The following SPNS2 variants were observed in gnomAD, a reference collection of about 807,000 sequenced individuals.
SPNS2 encodes the protein SPNS lysolipid transporter 2, sphingosine-1-phosphate.
SPNS2 carries 37 observed loss-of-function variants against 57.6 expected under a neutral mutation model. The observed-to-expected ratio is 0.64, with a 90% CI of 0.49 to 0.85. SPNS2 has a LOEUF of 0.85. SPNS2 is among the 40% of genes least tolerant of loss of function. The probability of loss-of-function intolerance (pLI) is 0.00; values close to 1 mark genes in which losing one functional copy is unlikely to be tolerated. For synonymous variants in SPNS2, 440 were observed against 346.9 expected, an observed-to-expected ratio of 1.27 and a Z score of -2.98; for missense variants, 831 against 779.1, an observed-to-expected ratio of 1.07 and a Z score of -0.79.
chr17:4,513,807 C>A (rs1310862472), intron 2 of SPNS2, among the ~76,000 whole-genome samples: 1 of 152,218 alleles, frequency 6.6e-6, no homozygotes, highest in African/African-American at 2.4e-5. Context: ...AGCCCCAGAG[C>A]GGTTCCCAAG....
At chr17:4,536,539 T>C (rs2144385447) in intron 11 of SPNS2, 113 bp downstream of exon 11, 1 of 1,282,064 alleles carries the variant, frequency 7.8e-7, no homozygotes, top group Non-Finnish European at 1.1e-6. Context: ...TCCCATGCAC[T>C]CAGTGCACCC....
At chr17:4,527,793 G>A (rs1567593506) in intron 3 of SPNS2, among the ~76,000 whole-genome samples, 1 of 152,162 alleles carries the variant, frequency 6.6e-6, no homozygotes, top group Non-Finnish European at 1.5e-5. Flanking sequence ...CCCTGCTGGT[G>A]GGAGTGTAAA....
At chr17:4,519,447 C>T (rs1406166347) in intron 2 of SPNS2, among the ~76,000 whole-genome samples, 1 of 152,164 alleles carries the variant, frequency 6.6e-6, no homozygotes, top group African/African-American at 2.4e-5. Flanking sequence ...TTTCTGACGG[C>T]CTCCTGCCAG....
Position 4,530,834 on chromosome 17 carries a change from T to G in SPNS2, c.725+51T>G, listed in dbSNP as rs532989346. 81 of 1,585,176 alleles carry G rather than the reference T, an allele frequency of 5.1e-5. No individual in the cohort carries two copies. In the East Asian group the frequency reaches 1.8e-3, roughly 36 times the overall value. ...GGGTGAGGATCTGGGCAAGGTTCCC[T>G]TGGACTTCTGAGTTCTCCCACTCCC... On this transcript the variant is annotated intron_variant, in intron 4 of 12. Coordinates refer to ENST00000329078, the MANE Select transcript of SPNS2 (RefSeq NM_001124758.3).
intron 1 of SPNS2, among the ~76,000 whole-genome samples, chr17:4,505,694 T>C (rs1488042901): frequency 6.6e-6 from 1 of 152,124 alleles, no homozygotes; most frequent in East Asian, 1.9e-4. Context: ...CCTCGCCTGG[T>C]GGCTGGGAGG....
intron 2 of SPNS2, among the ~76,000 whole-genome samples, chr17:4,521,936 C>A (rs543003318): frequency 5.3e-5 from 8 of 152,352 alleles, no homozygotes; most frequent in African/African-American, 1.9e-4. Context: ...CGGTGGCTCA[C>A]CCCTGTAATC....
At chr17:4,518,145 CT>C (rs1210297284) in intron 2 of SPNS2, among the ~76,000 whole-genome samples, 1 of 152,106 alleles carries the variant, frequency 6.6e-6, no homozygotes, top group Admixed American at 6.5e-5. Context: ...GTGTGAAAGG[CT>C]TGAAGGCCAA....
At chr17:4,530,122 G>A (rs372083737) in intron 3 of SPNS2, among the ~76,000 whole-genome samples, 2 of 152,184 alleles carry the variant, frequency 1.3e-5, no homozygotes, top group Non-Finnish European at 2.9e-5. Context: ...CAGGGGGAGG[G>A]GCTCTGGGTC....
chr17:4,506,352 C>T (rs1199183945), intron 1 of SPNS2, among the ~76,000 whole-genome samples: 3 of 152,172 alleles, frequency 2.0e-5, no homozygotes, highest in Non-Finnish European at 4.4e-5. Flanking sequence ...TATCCTGTGT[C>T]TGGCTGGCAT....
chr17:4,530,476 G>A (rs1020049901), intron 3 of SPNS2, among the ~76,000 whole-genome samples, 156 bp from the exon 4 acceptor site: 8 of 152,144 alleles, frequency 5.3e-5, no homozygotes, highest in Non-Finnish European at 1.5e-5. Flanking sequence ...AGTGGCTGGG[G>A]GAGGTGGTCT....
Position 4,536,416 on chromosome 17 carries a change from GC to G in SPNS2, c.1598del (p.Ala533ValfsTer5), listed in dbSNP as rs1414806020. The G allele has an allele frequency of 1.3e-6, 2 of 1,595,290 alleles. No homozygotes were observed. The highest frequency in any genetic ancestry group is 3.4e-5 in the Admixed American group (2 of 59,102). On this transcript the variant is annotated frameshift_variant, in exon 11 of 13. Coordinates refer to ENST00000329078, the MANE Select transcript of SPNS2 (RefSeq NM_001124758.3). LOFTEE classifies it high-confidence loss of function. ...CTTCTTCGTCAGCGACCGCGCCAGG[GC>G]TGAGCAGCAGTGAGTGGGGGGGAGG... is the stretch of plus-strand genomic sequence containing the variant. ...ALFFVSDRAR[A>X]EQQVNQLAMP...
rs188357065 is a variant in SPNS2 at position 4,511,941 on chromosome 17, T to G, written c.371-1306T>G. ...ATACAGCACCTGGAGATTCCACTTT[T>G]TCCTACTTCCCTGTGGTGTGACTTT... On this transcript the variant is annotated intron_variant, in intron 1 of 12. Coordinates refer to ENST00000329078, the MANE Select transcript of SPNS2 (RefSeq NM_001124758.3). The surrounding 1 kb of genome is among the most constrained non-coding windows in gnomAD (Gnocchi z 4.6). 6.6e-6 allele frequency among the ~76,000 whole-genome samples: 1 copy of G among 152,182 alleles called. No individual in the cohort carries two copies. The highest frequency in any genetic ancestry group is 1.5e-5 in the Non-Finnish European group (1 of 68,022).
chr17:4,524,451 A>G (rs1176446041), intron 2 of SPNS2, among the ~76,000 whole-genome samples: 3 of 152,228 alleles, frequency 2.0e-5, no homozygotes, highest in Middle Eastern at 3.2e-3. Flanking sequence ...TTGGGAGGCC[A>G]AAGTGGGTGG....
intron 3 of SPNS2, among the ~76,000 whole-genome samples, chr17:4,528,231 A>G (rs1165719930): frequency 6.6e-6 from 1 of 151,914 alleles, no homozygotes; most frequent in African/African-American, 2.4e-5. Flanking sequence ...CCATGTTGAC[A>G]AGGCTAGTCT....
At chr17:4,527,795 G>A (rs1905299612) in intron 3 of SPNS2, among the ~76,000 whole-genome samples, 1 of 152,186 alleles carries the variant, frequency 6.6e-6, no homozygotes, top group South Asian at 2.1e-4. Context: ...CTGCTGGTGG[G>A]AGTGTAAATT....
In SPNS2 at chr17:4,536,098, G is replaced by T; in HGVS notation, c.1367G>T (p.Arg456Leu). 6.2e-7 allele frequency: 1 copy of T among 1,612,048 alleles called. No individual in the cohort carries two copies. Among genetic ancestry groups the T allele is most frequent in the African/African-American group, 1.3e-5 (1 of 75,000 alleles). The change falls in exon 10 of 13, where the codon CGC becomes CTC. Residue 456 changes from arginine (R) to leucine (L), a missense_variant. Coordinates refer to ENST00000329078, the MANE Select transcript of SPNS2 (RefSeq NM_001124758.3). ...CAGTACGTGGTCATCCCCACGCGGCGCGCCACTGCCGTGGCCTTGCAGAGC... is the reference window on the plus strand; with the variant it reads ...CAGTACGTGGTCATCCCCACGCGGCTCGCCACTGCCGTGGCCTTGCAGAGC... ...ILMYVVIPTR[R>L]ATAVALQSFT...
At position 4,538,955 on chromosome 17, in the gene SPNS2, G is replaced by C. The variant is rs748652173; in HGVS notation, c.*1507G>C. ...AACTGCTCCTTTATTTTTTAGAGCT[G>C]CTGATTGTGAATCTCAGAGTCTTAA... On this transcript the variant is annotated 3_prime_UTR_variant, in exon 13 of 13. Coordinates refer to ENST00000329078, the MANE Select transcript of SPNS2 (RefSeq NM_001124758.3). The C allele has an allele frequency of 1.3e-6, 1 of 785,746 alleles. No homozygotes were observed. Among genetic ancestry groups the C allele is most frequent in the Non-Finnish European group, 2.4e-6 (1 of 422,364 alleles). The allele number at this position is 785,746 out of a possible 1,614,324, so 48.7% of individuals were successfully genotyped here. A position where few individuals can be genotyped will look rare whatever the true frequency, so the allele number is the denominator to read the frequency against.
At position 4,532,752 on chromosome 17, in the gene SPNS2, C is replaced by T. The variant is rs979070630; in HGVS notation, c.935+68C>T. ...GCTGAGATGAGAGGGCCTGTCCCTGCAGGGCAGCCCACTAGCACCCTCAGC... is the reference window on the plus strand; with the variant it reads ...GCTGAGATGAGAGGGCCTGTCCCTGTAGGGCAGCCCACTAGCACCCTCAGC... On this transcript the variant is annotated intron_variant, in intron 6 of 12. Coordinates refer to ENST00000329078, the MANE Select transcript of SPNS2 (RefSeq NM_001124758.3). 3.8e-4 allele frequency: 587 copies of T among 1,558,376 alleles called. 2 individuals carry two copies. Among genetic ancestry groups the T allele is most frequent in the Non-Finnish European group, 8.0e-5 (92 of 1,147,438 alleles).
At chr17:4,535,013 G>A (rs534656400) in intron 9 of SPNS2, among the ~76,000 whole-genome samples, 13 of 152,214 alleles carry the variant, frequency 8.5e-5, no homozygotes, top group South Asian at 2.1e-4. Flanking sequence ...TTTTCCACCC[G>A]CCCCCCACCT....
Sources: gnomAD v4.1 joint callset for allele counts (sites outside exome capture counted in the v4.1 genomes callset) on GRCh38, gnomAD v4.1.1 for gene constraint, Gnocchi (gnomAD v3.1) non-coding constraint, MANE v1.5 for transcripts, NCBI Gene and HGNC (gene_info 2026-07-23, HGNC 2026-07-21) for gene names.